The following TRPM3 variants were observed in gnomAD, a reference collection of about 807,000 sequenced individuals.
TRPM3 encodes transient receptor potential cation channel subfamily M member 3.
In TRPM3, 77 loss-of-function variants were observed where a neutral mutation model predicts 181.2. That is an observed-to-expected ratio of 0.42 (90% CI 0.35 to 0.51). The LOEUF (loss-of-function observed/expected upper bound fraction) is 0.51, where lower values mean the gene tolerates loss of function less well. Ranked by LOEUF, TRPM3 falls within the 20% of genes least tolerant of loss-of-function variation. The pLI is 0.01. For synonymous variants in TRPM3, 745 were observed against 796.4 expected (o/e 0.94, Z 1.09); for missense variants, 1,759 against 2,196.7 (o/e 0.80, Z 3.98).
intron 1 of TRPM3, among the ~76,000 whole-genome samples, chr9:70,919,123 A>G (rs1220341055): frequency 2.0e-5 from 3 of 152,164 alleles, no homozygotes; most frequent in Non-Finnish European, 2.9e-5. Flanking sequence ...CTGTTAAAAG[A>G]ATACTTTTCC....
chr9:71,199,868 T>G (rs1224396759), intron 1 of TRPM3, among the ~76,000 whole-genome samples: 1 of 152,044 alleles, frequency 6.6e-6, no homozygotes, highest in Non-Finnish European at 1.5e-5. Flanking sequence ...GTGTCTCTAT[T>G]TCCTTCAGTT....
In TRPM3 at chr9:70,615,958, C is replaced by A; in HGVS notation, c.2476G>T (p.Glu826Ter). Residue 826 changes from glutamate (E) to a stop codon, truncating the protein, a stop_gained, in exon 18 of 26, where the codon GAA (glutamate) becomes TAA (stop). Coordinates refer to ENST00000677713, the MANE Select transcript of TRPM3 (RefSeq NM_001366145.2). LOFTEE classifies it high-confidence loss of function. ...TTTTCCTTTGTGGGCTTCTCTGGTT[C>A]TTCTGCCTCCTTCTCTTGGAGGTGG... is the stretch of plus-strand genomic sequence containing the variant. ...EIHLQEKEAEEPEKPTKEKEE... is the reference protein window; with the variant it reads ...EIHLQEKEAE 6.2e-7 allele frequency: 1 copy of A among 1,613,120 alleles called. No homozygotes were observed. The highest frequency in any genetic ancestry group is 8.5e-7 in the Non-Finnish European group (1 of 1,179,592).
intron 1 of TRPM3, among the ~76,000 whole-genome samples, chr9:70,883,506 A>C (rs1210177090): frequency 6.6e-6 from 1 of 152,200 alleles, no homozygotes; most frequent in African/African-American, 2.4e-5. Context: ...TAAGACAGAA[A>C]TCAAGTGGCC....
At chr9:71,199,620 G>C (rs2078641662) in intron 1 of TRPM3, among the ~76,000 whole-genome samples, 1 of 152,182 alleles carries the variant, frequency 6.6e-6, no homozygotes. Context: ...ATGTGTCAAG[G>C]AATTTATCCA....
intron 1 of TRPM3, among the ~76,000 whole-genome samples, chr9:71,067,425 C>T (rs865860761): frequency 6.6e-6 from 1 of 151,984 alleles, no homozygotes; most frequent in Non-Finnish European, 1.5e-5. Context: ...TGTTGAAGTG[C>T]AGAAGTTAGC....
intron 1 of TRPM3, among the ~76,000 whole-genome samples, chr9:71,043,823 T>C (rs536871479): frequency 2.6e-5 from 4 of 152,282 alleles, no homozygotes; most frequent in African/African-American, 4.8e-5. Flanking sequence ...CAGTATACCA[T>C]CTGAACACCT....
At chr9:71,249,582 A>T (rs961664035) in intron 1 of TRPM3, among the ~76,000 whole-genome samples, 1 of 152,160 alleles carries the variant, frequency 6.6e-6, no homozygotes, top group African/African-American at 2.4e-5. Context: ...AGATATATAT[A>T]TTTTCTCACA....
chr9:70,873,058 G>A (rs1479130763), intron 1 of TRPM3, among the ~76,000 whole-genome samples: 2 of 151,706 alleles, frequency 1.3e-5, no homozygotes, highest in African/African-American at 4.8e-5. Context: ...TTTTGGAGTT[G>A]TGAAAAAATG....
At chr9:70,658,971 T>G (rs1178694684) in intron 9 of TRPM3, among the ~76,000 whole-genome samples, 3 of 152,112 alleles carry the variant, frequency 2.0e-5, no homozygotes, top group Non-Finnish European at 4.4e-5. Context: ...ACTTTTCTTT[T>G]GAGTTATTGA....
intron 1 of TRPM3, among the ~76,000 whole-genome samples, chr9:71,295,182 A>G (rs150150613): frequency 1.3e-5 from 2 of 152,178 alleles, no homozygotes; most frequent in African/African-American, 4.8e-5. Context: ...AGGTCTCTCA[A>G]TATAAACCTT....
chr9:71,016,246 GTGTGTGTGTGTGTATC>G (rs71367247), intron 1 of TRPM3, among the ~76,000 whole-genome samples: 32,142 of 151,338 alleles, frequency 0.21, 3,591 homozygotes, highest in African/African-American at 0.28. Flanking sequence ...GTGTGTGTGT[GTGTGTGTGTGTGTATC>G]TGTGTGTGTA....
intron 1 of TRPM3, among the ~76,000 whole-genome samples, chr9:71,337,445 T>C (rs1000112464): frequency 6.6e-6 from 1 of 152,158 alleles, no homozygotes; most frequent in Non-Finnish European, 1.5e-5. Context: ...GGAGAGGATG[T>C]AGAGAAATAG....
chr9:71,337,518 T>C (rs2132580990), intron 1 of TRPM3, among the ~76,000 whole-genome samples: 1 of 152,314 alleles, frequency 6.6e-6, no homozygotes, highest in African/African-American at 2.4e-5. Flanking sequence ...GACAAAAGTG[T>C]GGCAATTCCT....
At chr9:70,824,880 G>A (rs1588889266) in intron 6 of TRPM3, 1 of 152,194 alleles carries the variant, frequency 6.6e-6, no homozygotes, top group African/African-American at 2.4e-5. Context: ...CTGTCTTTGT[G>A]TCTTTGTCAG....
intron 1 of TRPM3, among the ~76,000 whole-genome samples, chr9:71,176,909 A>T (rs1205180222): frequency 2.6e-5 from 4 of 152,122 alleles, no homozygotes; most frequent in African/African-American, 9.7e-5. Context: ...TAGACCAAGG[A>T]TCCCCAACCC....
chr9:71,042,901 A>G (rs1475818530), intron 1 of TRPM3, among the ~76,000 whole-genome samples: 1 of 152,228 alleles, frequency 6.6e-6, no homozygotes, highest in African/African-American at 2.4e-5. Context: ...GTTAAAGTAT[A>G]GGTAATAAAA....
chr9:71,412,706 T>G (rs1192638431), intron 1 of TRPM3, among the ~76,000 whole-genome samples: 1 of 152,162 alleles, frequency 6.6e-6, no homozygotes, highest in Non-Finnish European at 1.5e-5. Flanking sequence ...CTCAAGGATC[T>G]AGAACTAGAA....
intron 9 of TRPM3, among the ~76,000 whole-genome samples, chr9:70,649,900 G>C (rs558613786): frequency 3.3e-5 from 5 of 152,052 alleles, no homozygotes; most frequent in Non-Finnish European, 7.4e-5. Context: ...GCAGAGACAT[G>C]GAATCAACCC....
At position 70,549,480 on chromosome 9, in the gene TRPM3, C is replaced by A. The variant is rs535991544; in HGVS notation, c.3707+62G>T. 126 of 1,536,278 alleles carry A rather than the reference C, an allele frequency of 8.2e-5. No individual in the cohort carries two copies. The South Asian group carries it at 1.4e-3, about 17-fold the overall frequency. On this transcript the variant is annotated intron_variant, in intron 25 of 25. Coordinates refer to ENST00000677713, the MANE Select transcript of TRPM3 (RefSeq NM_001366145.2). ...TGTTTTGTGACCGTGTGAATAAATT[C>A]GATGGATAAAGCATGCCTTGGCACA...
Sources: gnomAD v4.1 joint callset for allele counts (sites outside exome capture counted in the v4.1 genomes callset) on GRCh38, gnomAD v4.1.1 for gene constraint, MANE v1.5 for transcripts, NCBI Gene and HGNC (gene_info 2026-07-23, HGNC 2026-07-21) for gene names.